PLXNA4: variants seen among roughly 807,000 people sequenced by gnomAD.
PLXNA4 encodes plexin-A4.
PLXNA4 carries 44 observed loss-of-function variants against 191.8 expected under a neutral mutation model. The observed-to-expected ratio is 0.23, with a 90% CI of 0.18 to 0.29. PLXNA4 has a LOEUF of 0.29. PLXNA4 is among the 10% of genes least tolerant of loss of function. The pLI, the probability that PLXNA4 is intolerant of heterozygous loss-of-function variation, is 1.00. For synonymous variants in PLXNA4, 1,082 were observed against 1,009.5 expected (o/e 1.07, Z -1.36); for missense variants, 1,800 against 2,488.8 (o/e 0.72, Z 5.89).
chr7:132,492,230 A>G (rs967148102), intron 2 of PLXNA4, among the ~76,000 whole-genome samples: 3 of 152,196 alleles, frequency 2.0e-5, no homozygotes, highest in African/African-American at 7.2e-5. Flanking sequence ...TGCCACAAAC[A>G]TAGGCCTCAT....
intron 2 of PLXNA4, among the ~76,000 whole-genome samples, chr7:132,629,616 A>G (rs1386643396): frequency 1.3e-5 from 2 of 152,188 alleles, no homozygotes; most frequent in Admixed American, 6.5e-5. Flanking sequence ...TGTTTCTCCT[A>G]TTGCCAGCCA....
chr7:132,221,566 A>G (rs1205687876), intron 9 of PLXNA4, among the ~76,000 whole-genome samples: 1 of 152,174 alleles, frequency 6.6e-6, no homozygotes, highest in Non-Finnish European at 1.5e-5. Context: ...GGCTGATGAG[A>G]CTGTGCAGCC....
At chr7:132,516,220 T>TTTTA (rs58035948) in intron 1 of PLXNA4, among the ~76,000 whole-genome samples, 37,975 of 148,034 alleles carry the variant, frequency 0.26, 5,385 homozygotes, top group Admixed American at 0.35. Flanking sequence ...CATTTTGTCC[T>TTTTA]TTTATTTATT....
At chr7:132,521,099 A>G (rs991303309) in intron 1 of PLXNA4, among the ~76,000 whole-genome samples, 1 of 151,598 alleles carries the variant, frequency 6.6e-6, no homozygotes, top group African/African-American at 2.4e-5. Context: ...AATACAAAAC[A>G]TATTTCAGCT....
chr7:132,208,045 T>C (rs554474194), intron 10 of PLXNA4, among the ~76,000 whole-genome samples: 2 of 152,346 alleles, frequency 1.3e-5, no homozygotes, highest in East Asian at 3.9e-4. Context: ...AGGTCTATTC[T>C]TGTCTGATGG....
At chr7:132,501,759 G>A (rs1331254275) in intron 2 of PLXNA4, among the ~76,000 whole-genome samples, 2 of 152,232 alleles carry the variant, frequency 1.3e-5, no homozygotes, top group African/African-American at 2.4e-5. Context: ...TTGGGGCTGT[G>A]ATATGTCAGG....
Position 132,203,358 on chromosome 7 carries a change from C to T in PLXNA4, c.2360G>A (p.Gly787Glu), listed in dbSNP as rs181597184. 6.7e-5 allele frequency: 108 copies of T among 1,614,126 alleles called. No individual in the cohort carries two copies. The East Asian group carries it at 2.4e-3, about 36-fold the overall frequency. ...AGCTGGGTTGTCAATGTTGAAGTGCCCATTCCACACGACTGTCAACTCCAC... is the reference window on the plus strand; with the variant it reads ...AGCTGGGTTGTCAATGTTGAAGTGCTCATTCCACACGACTGTCAACTCCAC... ...LPVELTVVWNGHFNIDNPAQN... is the reference protein window; with the variant it reads ...LPVELTVVWNEHFNIDNPAQN... Residue 787 changes from glycine to glutamate, a missense_variant, in exon 11 of 32, where the codon GGG (glycine) becomes GAG (glutamate). Gly to Glu is a moderately conservative substitution (Grantham distance 98, BLOSUM62 -2). This residue lies in a region of PLXNA4 where 1,397 missense variants were observed against 1,880.4 expected (regional missense o/e 0.74). Coordinates refer to ENST00000321063, the MANE Select transcript of PLXNA4 (RefSeq NM_020911.2).
intron 26 of PLXNA4, 117 bp downstream of exon 26, chr7:132,148,426 G>A: frequency 1.4e-6 from 2 of 1,427,114 alleles, no homozygotes; most frequent in Non-Finnish European, 1.9e-6. Context: ...GGATCACTAA[G>A]GGAACATGGA....
At chr7:132,142,289 T>C (rs1243814286) in intron 29 of PLXNA4, among the ~76,000 whole-genome samples, 2 of 152,072 alleles carry the variant, frequency 1.3e-5, no homozygotes, top group African/African-American at 2.4e-5. Flanking sequence ...ATGCAAGGGA[T>C]TGCTTACTTC....
chr7:132,429,447 A>G (rs1795179682), intron 3 of PLXNA4, among the ~76,000 whole-genome samples: 1 of 152,218 alleles, frequency 6.6e-6, no homozygotes, highest in Admixed American at 6.5e-5. Flanking sequence ...CTGTAGCAAC[A>G]ACTCAACTTT....
intron 23 of PLXNA4, 55 bp downstream of exon 23, chr7:132,165,079 A>G: frequency 3.8e-6 from 6 of 1,589,106 alleles, no homozygotes; most frequent in South Asian, 3.4e-5. Context: ...ATCCCCAGTC[A>G]GGCTGCAGAG....
At chr7:132,381,646 C>T (rs999516155) in intron 3 of PLXNA4, among the ~76,000 whole-genome samples, 1 of 152,178 alleles carries the variant, frequency 6.6e-6, no homozygotes, top group African/African-American at 2.4e-5. Flanking sequence ...GAATTTACAC[C>T]CCTAGCCCGT....
intron 1 of PLXNA4, among the ~76,000 whole-genome samples, chr7:132,564,871 C>T (rs906861663): frequency 6.6e-6 from 1 of 152,166 alleles, no homozygotes; most frequent in African/African-American, 2.4e-5. Flanking sequence ...CCTCTGGACT[C>T]CTGCACTGAC....
At chr7:132,433,973 C>T (rs1427214301) in intron 3 of PLXNA4, among the ~76,000 whole-genome samples, 2 of 152,174 alleles carry the variant, frequency 1.3e-5, no homozygotes, top group African/African-American at 4.8e-5. Flanking sequence ...GATGGATGAA[C>T]CAGTGTCAGC....
intron 4 of PLXNA4, among the ~76,000 whole-genome samples, chr7:132,253,727 G>A (rs1011228139): frequency 6.6e-6 from 1 of 152,082 alleles, no homozygotes; most frequent in Non-Finnish European, 1.5e-5. Context: ...GAAAGTCATT[G>A]TTTGGCAATG....
intron 2 of PLXNA4, among the ~76,000 whole-genome samples, chr7:132,501,580 G>A (rs886350736): frequency 2.0e-5 from 3 of 152,220 alleles, no homozygotes; most frequent in Non-Finnish European, 2.9e-5. Context: ...CCAACACATC[G>A]CCCAGGGCTC....
chr7:132,433,075 C>T (rs934153117), intron 3 of PLXNA4, among the ~76,000 whole-genome samples: 1 of 152,176 alleles, frequency 6.6e-6, no homozygotes, highest in Non-Finnish European at 1.5e-5. Context: ...AAATGGGCAA[C>T]AGGGCCAACA....
At chr7:132,213,312 G>A (rs1797862391) in intron 9 of PLXNA4, among the ~76,000 whole-genome samples, 1 of 152,224 alleles carries the variant, frequency 6.6e-6, no homozygotes, top group African/African-American at 2.4e-5. Context: ...GTACAACAAT[G>A]TGAAATGTAC....
At chr7:132,562,900 C>T (rs1243336540) in intron 1 of PLXNA4, among the ~76,000 whole-genome samples, 28 of 59,422 alleles carry the variant, frequency 4.7e-4, no homozygotes, top group South Asian at 7.1e-4. Context: ...CTCCTTCTCC[C>T]CCTCCTCCTC....
Sources: allele counts gnomAD v4.1 joint callset (sites outside exome capture counted in the v4.1 genomes callset), GRCh38; gene constraint gnomAD v4.1.1; regional missense constraint gnomAD v4.1.1; transcripts MANE v1.5; gene names NCBI Gene and HGNC (gene_info 2026-07-23, HGNC 2026-07-21).